MYRIP: variants seen among roughly 807,000 people sequenced by gnomAD.
The protein encoded by MYRIP is myosin VIIA and Rab interacting protein.
Under a neutral mutation model 98.0 loss-of-function variants are expected in MYRIP, and 49 were observed. The observed-to-expected ratio is 0.50, with a 90% confidence interval of 0.40 to 0.63. The LOEUF (loss-of-function observed/expected upper bound fraction) is 0.63, where lower values mean the gene tolerates loss of function less well. MYRIP is among the 30% of genes least tolerant of loss of function. The pLI, the probability that MYRIP is intolerant of heterozygous loss-of-function variation, is 0.00. For synonymous variants in MYRIP, 404 were observed against 409.5 expected, an observed-to-expected ratio of 0.99 and a Z score of 0.16; for missense variants, 1,004 against 1,058.2, an observed-to-expected ratio of 0.95 and a Z score of 0.71.
intron 2 of MYRIP, among the ~76,000 whole-genome samples, chr3:39,938,243 A>C (rs931119392): frequency 2.6e-5 from 4 of 152,204 alleles, no homozygotes; most frequent in Non-Finnish European, 4.4e-5. Context: ...GGTATCATTT[A>C]TATTTATATA....
At chr3:40,222,758 A>G (rs961866566) in intron 11 of MYRIP, among the ~76,000 whole-genome samples, 2 of 152,244 alleles carry the variant, frequency 1.3e-5, no homozygotes, top group Non-Finnish European at 2.9e-5. Context: ...GATCATGAAC[A>G]TTTACCTGAT....
chr3:40,156,335 C>G (rs1950237166), intron 4 of MYRIP, among the ~76,000 whole-genome samples: 1 of 152,092 alleles, frequency 6.6e-6, no homozygotes, highest in Non-Finnish European at 1.5e-5. Context: ...GGGCTCTGTT[C>G]TGTTCCATTG....
In MYRIP at chr3:40,104,285, T is replaced by C. The variant is rs144228035; in HGVS notation, c.333-46763T>C. Among the ~76,000 whole-genome samples, 21 of 152,328 alleles carry C rather than the reference T, an allele frequency of 1.4e-4. No individual in the cohort carries two copies. The East Asian group carries it at 3.9e-3, about 28-fold the overall frequency. ...TGGTTCCTACCTTTAGTGTCATACT[T>C]AGAAAAAACTTCCAGAAACCCAAAA... On this transcript the variant is annotated intron_variant, in intron 3 of 16. Coordinates refer to ENST00000302541, the MANE Select transcript of MYRIP (RefSeq NM_015460.4).
chr3:40,081,454 T>C (rs1179748008), intron 3 of MYRIP, among the ~76,000 whole-genome samples: 5 of 152,236 alleles, frequency 3.3e-5, no homozygotes, highest in African/African-American at 1.2e-4. Flanking sequence ...ATATTTCTTT[T>C]TCACTTTGGC....
intron 3 of MYRIP, among the ~76,000 whole-genome samples, chr3:40,056,772 T>G (rs2371138): frequency 0.4 from 60,628 of 151,664 alleles, 12,320 homozygotes; most frequent in East Asian, 0.57. Context: ...TGGATTAACT[T>G]AAAAATCCAT....
chr3:39,930,911 G>T (rs936874594), intron 2 of MYRIP, among the ~76,000 whole-genome samples: 2 of 151,932 alleles, frequency 1.3e-5, no homozygotes, highest in Non-Finnish European at 2.9e-5. Context: ...AGAATGTTTT[G>T]GTTATTCTAA....
intron 3 of MYRIP, among the ~76,000 whole-genome samples, chr3:40,096,969 T>G (rs553826898): frequency 1.3e-5 from 2 of 152,302 alleles, no homozygotes; most frequent in African/African-American, 4.8e-5. Context: ...CTGCATCAGC[T>G]TGCCTGGCTA....
At chr3:40,057,247 A>C (rs1947904111) in intron 3 of MYRIP, among the ~76,000 whole-genome samples, 1 of 152,160 alleles carries the variant, frequency 6.6e-6, no homozygotes, top group Non-Finnish European at 1.5e-5. Context: ...GGAGAAGCCT[A>C]AACAGTCCTA....
At chr3:39,827,274 A>C (rs1238192780) in intron 1 of MYRIP, among the ~76,000 whole-genome samples, 1 of 152,070 alleles carries the variant, frequency 6.6e-6, no homozygotes, top group Admixed American at 6.6e-5. Context: ...CACCATGCCC[A>C]GCTTTTTAAA....
intron 3 of MYRIP, among the ~76,000 whole-genome samples, chr3:40,138,707 G>T (rs76670857): frequency 0.015 from 2,352 of 152,196 alleles, 50 homozygotes; most frequent in African/African-American, 0.052. Flanking sequence ...TATTTATGGA[G>T]TACATAGTGA....
chr3:40,258,279 G>C lies in MYRIP; in HGVS notation c.*113G>C, dbSNP rs1202811495. The stretch of plus-strand genomic sequence containing the variant: ...TTTCCACCTGAGGAGAAGGCCTGGG[G>C]AGGCCACAGTGCACCATTGCACAGG... On this transcript the variant is annotated 3_prime_UTR_variant, in exon 17 of 17. Transcript: ENST00000302541. 7 of 1,300,302 alleles carry C rather than the reference G, an allele frequency of 5.4e-6. No individual in the cohort carries two copies. The highest frequency in any genetic ancestry group is 7.8e-6 in the Non-Finnish European group (7 of 900,682). 80.5% of individuals were successfully genotyped at this position (1,300,302 alleles called of 1,614,324 possible).
intron 9 of MYRIP, among the ~76,000 whole-genome samples, chr3:40,189,541 G>A (rs975373976): frequency 2.0e-5 from 3 of 152,202 alleles, no homozygotes; most frequent in Admixed American, 6.5e-5. Flanking sequence ...GTGGGACAGT[G>A]CTGAGGAGAC....
intron 3 of MYRIP, among the ~76,000 whole-genome samples, chr3:40,098,919 G>A (rs1455814755): frequency 6.6e-6 from 1 of 151,572 alleles, no homozygotes; most frequent in African/African-American, 2.4e-5. Flanking sequence ...GCATGTGTGT[G>A]CGTGTGTGTG....
At chr3:40,190,963 A>G (rs531910939) in intron 10 of MYRIP, among the ~76,000 whole-genome samples, 2 of 152,312 alleles carry the variant, frequency 1.3e-5, no homozygotes, top group South Asian at 4.1e-4. Flanking sequence ...ATGATATTAG[A>G]ACCCACCTCA....
chr3:40,122,631 T>C (rs1299744881), intron 3 of MYRIP, among the ~76,000 whole-genome samples: 2 of 151,896 alleles, frequency 1.3e-5, no homozygotes, highest in East Asian at 1.9e-4. Flanking sequence ...TACAACTTTT[T>C]CTCATTCATT....
chr3:40,138,668 G>GT (rs1949831850), intron 3 of MYRIP, among the ~76,000 whole-genome samples: 1 of 152,038 alleles, frequency 6.6e-6, no homozygotes, highest in African/African-American at 2.4e-5. Context: ...TGACATTAAG[G>GT]TTTTTTATTG....
At chr3:40,001,476 T>C (rs58611596) in intron 2 of MYRIP, among the ~76,000 whole-genome samples, 6,259 of 152,272 alleles carry the variant, frequency 0.041, 200 homozygotes, top group East Asian at 0.17. Context: ...AGGGTAGGGA[T>C]TATTTTACTG....
At chr3:39,991,785 T>G (rs1371282622) in intron 2 of MYRIP, among the ~76,000 whole-genome samples, 3 of 152,180 alleles carry the variant, frequency 2.0e-5, no homozygotes, top group Non-Finnish European at 2.9e-5. Flanking sequence ...AGCTTCTTTT[T>G]TCTGTAGCCC....
At position 40,002,137 on chromosome 3, in the gene MYRIP, G is replaced by A. The variant is rs115948185; in HGVS notation, c.111-41913G>A. On this transcript the variant is annotated intron_variant, in intron 2 of 16. Coordinates refer to ENST00000302541, the MANE Select transcript of MYRIP (RefSeq NM_015460.4). ...GGCATGCAAAAGGCCTTTGATCAAT[G>A]TTGACTAAAAGACTAGTTGAGAACT... is the stretch of plus-strand genomic sequence containing the variant. 9.9e-3 allele frequency among the ~76,000 whole-genome samples: 1,514 copies of A among 152,296 alleles called. 28 individuals are homozygous for A. Among genetic ancestry groups the A allele is most frequent in the African/African-American group, 0.035 (1,456 of 41,552 alleles).
Sources: allele counts gnomAD v4.1 joint callset (sites outside exome capture counted in the v4.1 genomes callset), GRCh38; gene constraint gnomAD v4.1.1; transcripts MANE v1.5; gene names NCBI Gene and HGNC (gene_info 2026-07-23, HGNC 2026-07-21).